RCOR1: variants seen among roughly 807,000 people sequenced by gnomAD.
RCOR1 encodes the protein REST corepressor 1.
A neutral mutation model predicts 64.0 loss-of-function variants in RCOR1; 12 were observed. That is an observed-to-expected ratio of 0.19 (90% CI 0.12 to 0.30). The LOEUF (loss-of-function observed/expected upper bound fraction) is 0.30. Among genes scored for constraint, RCOR1 ranks in the 10% least tolerant of loss-of-function variants. RCOR1 has a pLI of 1.00. For missense variants in RCOR1, 502 were observed against 621.2 expected (o/e 0.81, Z 2.04); for synonymous variants, 279 against 227.2 (o/e 1.23, Z -2.05).
chr14:102,627,195 G>C (rs770139338), intron 2 of RCOR1, among the ~76,000 whole-genome samples: 2 of 152,150 alleles, frequency 1.3e-5, no homozygotes, highest in Admixed American at 1.3e-4. Flanking sequence ...TCTGCCTTCT[G>C]TAACTGCTAG....
intron 2 of RCOR1, among the ~76,000 whole-genome samples, chr14:102,602,956 G>A (rs1035784315): frequency 4.6e-5 from 7 of 152,102 alleles, no homozygotes; most frequent in Non-Finnish European, 1.0e-4. Flanking sequence ...TCCTTCTGCT[G>A]TGTCCTCCCA....
At chr14:102,602,535 C>T (rs1218263584) in intron 2 of RCOR1, among the ~76,000 whole-genome samples, 2 of 151,726 alleles carry the variant, frequency 1.3e-5, no homozygotes, top group East Asian at 3.9e-4. Flanking sequence ...TCCCGTGTAG[C>T]TAGGATTACA....
intron 2 of RCOR1, among the ~76,000 whole-genome samples, chr14:102,678,330 C>T (rs1014625255): frequency 3.3e-5 from 5 of 152,030 alleles, no homozygotes; most frequent in African/African-American, 4.8e-5. Flanking sequence ...GGTGGTGTCT[C>T]GCTCTGTCGC....
chr14:102,646,626 T>C (rs1198795024), intron 2 of RCOR1, among the ~76,000 whole-genome samples: 1 of 152,208 alleles, frequency 6.6e-6, no homozygotes. Context: ...GATTGGCTTC[T>C]TGACTGAAAC....
At chr14:102,599,851 A>G (rs1273368214) in intron 2 of RCOR1, among the ~76,000 whole-genome samples, 9 of 146,554 alleles carry the variant, frequency 6.1e-5, no homozygotes, top group Admixed American at 4.2e-4. Flanking sequence ...CACACAGGCT[A>G]GAGTGCAGTG....
rs145137301 is a variant in RCOR1, at chr14:102,650,252, T to G, written c.362-31643T>G. On this transcript the variant is annotated intron_variant, in intron 2 of 11. Transcript: ENST00000262241. Reference sequence around the variant, plus strand: ...CCATGGGCATGGTGGCTGGTGCCCATAATCCTGGCACTTTGGGAGGCTGAG... The same window carrying G: ...CCATGGGCATGGTGGCTGGTGCCCAGAATCCTGGCACTTTGGGAGGCTGAG... 4.8e-4 allele frequency among the ~76,000 whole-genome samples: 71 copies of G among 149,038 alleles called. 1 individual carries two copies. The East Asian group carries it at 9.5e-3, about 20-fold the overall frequency.
intron 2 of RCOR1, among the ~76,000 whole-genome samples, chr14:102,602,374 T>C (rs1893420043): frequency 6.9e-6 from 1 of 144,856 alleles, no homozygotes. Context: ...TATTAGCATT[T>C]TTTTCTTTTC....
chr14:102,708,681 G>A (rs1478543869), intron 6 of RCOR1, 98 bp downstream of exon 6: 8 of 690,364 alleles, frequency 1.2e-5, no homozygotes, highest in African/African-American at 7.2e-5. Context: ...TTCCCTCCGC[G>A]CCTTCCTGGT....
rs1200338632 is a variant in RCOR1 at position 102,657,140 on chromosome 14, C to G, written c.362-24755C>G. 4 of 960,800 alleles carry G rather than the reference C, an allele frequency of 4.2e-6. No homozygotes were observed. In the South Asian group the frequency reaches 1.9e-4, roughly 46 times the overall value. 59.5% of individuals were successfully genotyped at this position (960,800 alleles called of 1,614,324 possible). A position where few individuals can be genotyped will look rare whatever the true frequency, so the allele number is the denominator to read the frequency against. ...ATATAATTTAGGTTGACTATGTAAA[C>G]CCAAAACACATAGGGTAGAAACTCG... On this transcript the variant is annotated intron_variant, in intron 2 of 11. Coordinates refer to ENST00000262241, the MANE Select transcript of RCOR1 (RefSeq NM_015156.4).
chr14:102,694,805 T>C (rs1231412935), intron 3 of RCOR1, among the ~76,000 whole-genome samples: 1 of 152,240 alleles, frequency 6.6e-6, no homozygotes, highest in African/African-American at 2.4e-5. Context: ...ATAACTCATT[T>C]CTTATTTTAA....
intron 8 of RCOR1, among the ~76,000 whole-genome samples, chr14:102,719,134 G>A (rs1251603708): frequency 6.6e-6 from 1 of 152,082 alleles, no homozygotes; most frequent in African/African-American, 2.4e-5. Context: ...CCAGGCTGAA[G>A]TGCAGTGGTG....
chr14:102,725,361 G>T (rs1896238413), intron 11 of RCOR1, among the ~76,000 whole-genome samples: 1 of 152,220 alleles, frequency 6.6e-6, no homozygotes, highest in African/African-American at 2.4e-5. Context: ...GCAGCCTTTA[G>T]GTTTGGGTCT....
intron 2 of RCOR1, among the ~76,000 whole-genome samples, chr14:102,660,747 C>T (rs1406822704): frequency 1.3e-5 from 2 of 152,126 alleles, no homozygotes; most frequent in Non-Finnish European, 2.9e-5. Flanking sequence ...AAATTGACAG[C>T]ATCTGGTTTT....
chr14:102,622,600 A>G (rs781593870), intron 2 of RCOR1, among the ~76,000 whole-genome samples: 10 of 151,952 alleles, frequency 6.6e-5, no homozygotes, highest in South Asian at 4.2e-4. Context: ...TATATCAGCA[A>G]AATTCCCCTA....
At chr14:102,594,987 T>A (rs1296654959) in intron 2 of RCOR1, among the ~76,000 whole-genome samples, 1 of 152,214 alleles carries the variant, frequency 6.6e-6, no homozygotes, top group African/African-American at 2.4e-5. Context: ...GTAGATGTGT[T>A]GGATGTGACT....
At chr14:102,722,496 A>G in intron 11 of RCOR1, 80 bp downstream of exon 11, 1 of 1,181,414 alleles carries the variant, frequency 8.5e-7, no homozygotes, top group Non-Finnish European at 1.2e-6. Flanking sequence ...GAATTTTTTC[A>G]GCTATAGAGA....
chr14:102,614,942 C>T (rs1893722856), intron 2 of RCOR1, among the ~76,000 whole-genome samples: 1 of 151,800 alleles, frequency 6.6e-6, no homozygotes, highest in African/African-American at 2.4e-5. Flanking sequence ...TACCATTCTC[C>T]TGCCTCAGCC....
intron 2 of RCOR1, chr14:102,662,381 T>C (rs1448255757): frequency 7.1e-6 from 4 of 564,692 alleles, no homozygotes; most frequent in African/African-American, 5.6e-5. Context: ...CACAGCCTGT[T>C]TGATCTGGTG....
chr14:102,691,194 G>C (rs983943234), intron 3 of RCOR1, among the ~76,000 whole-genome samples: 3 of 152,234 alleles, frequency 2.0e-5, no homozygotes, highest in Admixed American at 2.0e-4. Context: ...ATTGAGCGCC[G>C]TGAAGGAGAA....
Sources: gnomAD v4.1 joint callset for allele counts (sites outside exome capture counted in the v4.1 genomes callset) on GRCh38, gnomAD v4.1.1 for gene constraint, MANE v1.5 for transcripts, NCBI Gene and HGNC (gene_info 2026-07-23, HGNC 2026-07-21) for gene names.